The following DLGAP5 variants were observed in gnomAD, a reference collection of about 807,000 sequenced individuals.
The protein encoded by DLGAP5 is DLG associated protein 5, also known as disks large-associated protein 5.
Under a neutral mutation model 99.6 loss-of-function variants are expected in DLGAP5, and 90 were observed. The ratio of observed to expected loss-of-function variants is 0.90; its 90% CI spans 0.76 to 1.08. DLGAP5 has a LOEUF of 1.08. DLGAP5 is among the 50% of genes least tolerant of loss of function. The probability of loss-of-function intolerance (pLI) is 0.00; values close to 1 mark genes in which losing one functional copy is unlikely to be tolerated. For synonymous variants in DLGAP5, 311 were observed against 321.3 expected, an observed-to-expected ratio of 0.97 and a Z score of 0.34; for missense variants, 1,036 against 983.5, an observed-to-expected ratio of 1.05 and a Z score of -0.71.
intron 2 of DLGAP5, among the ~76,000 whole-genome samples, chr14:55,184,567 G>C (rs539053260): frequency 1.4e-4 from 22 of 152,300 alleles, no homozygotes; most frequent in African/African-American, 4.8e-4. Flanking sequence ...GTGTGACCAA[G>C]AGAGTATTAC....
intron 6 of DLGAP5, among the ~76,000 whole-genome samples, chr14:55,180,281 T>C (rs1297315860): frequency 6.6e-6 from 1 of 152,220 alleles, no homozygotes; most frequent in Non-Finnish European, 1.5e-5. Flanking sequence ...TTTTTAGAAC[T>C]GCGATCCTAC....
intron 1 of DLGAP5, 133 bp from the exon 2 acceptor site, chr14:55,189,313 G>C: frequency 1.4e-6 from 1 of 706,148 alleles, no homozygotes; most frequent in Non-Finnish European, 2.4e-6. Context: ...AAATAAATAT[G>C]TAACACTGAA....
At chr14:55,152,006 C>T in intron 16 of DLGAP5, 65 bp from the exon 17 acceptor site, 1 of 1,501,600 alleles carries the variant, frequency 6.7e-7, no homozygotes, top group Non-Finnish European at 9.0e-7. Context: ...TTTTAAAAGT[C>T]TTGTTGCTAT....
chr14:55,177,194 G>C lies in DLGAP5; in HGVS notation c.917C>G (p.Ser306Cys), dbSNP rs1224642395. ...INTAKIKGKN[S>C]FAPKDFMFQP... Reference sequence around the variant, plus strand: ...AAACATAAAATCCTTAGGTGCAAAGGAATTCTTCCCTTTTATTTTTGCAGT... The same window carrying C: ...AAACATAAAATCCTTAGGTGCAAAGCAATTCTTCCCTTTTATTTTTGCAGT... The change falls in exon 8 of 19, where the codon TCC becomes TGC. Residue 306 changes from serine (S) to cysteine (C), a missense_variant. Physicochemically the swap from Ser to Cys is moderately radical, Grantham distance 112. Coordinates refer to ENST00000247191, the MANE Select transcript of DLGAP5 (RefSeq NM_014750.5). The C allele has an allele frequency of 1.2e-6, 2 of 1,613,560 alleles. No homozygotes were observed. Among genetic ancestry groups the C allele is most frequent in the East Asian group, 4.5e-5 (2 of 44,846 alleles).
At chr14:55,178,837 G>A (rs542573557) in intron 7 of DLGAP5, among the ~76,000 whole-genome samples, 4 of 152,142 alleles carry the variant, frequency 2.6e-5, no homozygotes, top group African/African-American at 7.2e-5. Context: ...ACCTGAGGTC[G>A]GGAGTTCAAG....
rs1882775160 is a variant in DLGAP5 at position 55,169,487 on chromosome 14, C to T, written c.1460G>A (p.Gly487Glu). 1 of 1,613,288 alleles carries T rather than the reference C, an allele frequency of 6.2e-7. No individual in the cohort carries two copies. Among genetic ancestry groups the T allele is most frequent in the African/African-American group, 1.3e-5 (1 of 75,006 alleles). ...TTTATATTCACAATCATCAACCAGTCCTTCAAACTGTTTAAACCTTTCCTT... is the reference window on the plus strand; with the variant it reads ...TTTATATTCACAATCATCAACCAGTTCTTCAAACTGTTTAAACCTTTCCTT... ...LMKERFKQFE[G>E]LVDDCEYKRG... Residue 487 changes from glycine (G) to glutamate (E), a missense_variant, in exon 12 of 19, where the codon GGA becomes GAA. Gly to Glu is a moderately conservative substitution (Grantham distance 98). Coordinates refer to ENST00000247191, the MANE Select transcript of DLGAP5 (RefSeq NM_014750.5).
chr14:55,177,063 C>T lies in DLGAP5; in HGVS notation c.1048G>A (p.Val350Ile). 1 of 1,343,962 alleles carries T rather than the reference C, an allele frequency of 7.4e-7. No individual in the cohort carries two copies. Among genetic ancestry groups the T allele is most frequent in the South Asian group, 1.8e-5 (1 of 56,384 alleles). The allele number at this position is 1,343,962 out of a possible 1,614,324, so 83.3% of individuals were successfully genotyped here. ...SYTWTPLKTEVDESQATKEIL... is the reference protein window; with the variant it reads ...SYTWTPLKTEIDESQATKEIL... ...TTATTATTAAGATCATATTCTTACA[C>T]TTCTGTTTTTAAAGGAGTCCAGGTG... is the stretch of plus-strand genomic sequence containing the variant. Residue 350 changes from valine to isoleucine, a missense_variant and splice_region_variant, in exon 8 of 19, where the codon GTT becomes ATT. Val to Ile is a conservative substitution (Grantham distance 29). Transcript: ENST00000247191.
chr14:55,158,057 A>G (rs1203680758), intron 14 of DLGAP5, among the ~76,000 whole-genome samples: 3 of 152,212 alleles, frequency 2.0e-5, no homozygotes, highest in African/African-American at 7.2e-5. Flanking sequence ...ACCAACACAC[A>G]CAGCACATAA....
chr14:55,174,387 T>C (rs1302352612), intron 10 of DLGAP5, among the ~76,000 whole-genome samples: 1 of 152,218 alleles, frequency 6.6e-6, no homozygotes, highest in Admixed American at 6.5e-5. Flanking sequence ...CCTGGTCCCG[T>C]GATCTCACCC....
intron 8 of DLGAP5, 33 bp downstream of exon 8, chr14:55,177,029 G>T: frequency 1.0e-6 from 1 of 961,104 alleles, no homozygotes; most frequent in Non-Finnish European, 1.4e-6. Flanking sequence ...ACCCATCTTA[G>T]CAAGAGACTT....
At chr14:55,153,688 C>T (rs1342048492) in intron 15 of DLGAP5, among the ~76,000 whole-genome samples, 1 of 152,046 alleles carries the variant, frequency 6.6e-6, no homozygotes, top group African/African-American at 2.4e-5. Context: ...TTTGGGGAAT[C>T]CAAAACATTT....
intron 10 of DLGAP5, among the ~76,000 whole-genome samples, chr14:55,172,548 C>T (rs1371401476): frequency 6.6e-6 from 1 of 151,318 alleles, no homozygotes; most frequent in Non-Finnish European, 1.5e-5. Flanking sequence ...GGTGGGAGGT[C>T]GGGAAGTCAA....
chr14:55,161,808 A>G (rs1352972804), intron 13 of DLGAP5, among the ~76,000 whole-genome samples: 1 of 133,016 alleles, frequency 7.5e-6, no homozygotes, highest in Non-Finnish European at 1.6e-5. Flanking sequence ...CAGGAGTCAG[A>G]GGTTGTGGTG....
chr14:55,189,215 A>C (rs1459240113), intron 1 of DLGAP5, 35 bp from the exon 2 acceptor site: 1 of 1,509,932 alleles, frequency 6.6e-7, no homozygotes, highest in Non-Finnish European at 9.1e-7. Flanking sequence ...AACTTACATG[A>C]ATTTTCATTA....
Position 55,187,935 on chromosome 14 carries a change from C to T in DLGAP5, c.238+1007G>A, listed in dbSNP as rs563969116. ...TGCTCATTCTTTTCTACCCAGTTAC[C>T]TACTTGCATTCACTAAAACATATCA... On this transcript the variant is annotated intron_variant, in intron 2 of 18. Coordinates refer to ENST00000247191, the MANE Select transcript of DLGAP5 (RefSeq NM_014750.5). Among the ~76,000 whole-genome samples the T allele has an allele frequency of 2.6e-5, 4 of 152,254 alleles. No individual in the cohort carries two copies. The East Asian group carries it at 7.7e-4, about 29-fold the overall frequency.
chr14:55,157,767 CCTTTT>C (rs2140307805), intron 14 of DLGAP5, among the ~76,000 whole-genome samples: 1 of 152,278 alleles, frequency 6.6e-6, no homozygotes, highest in Non-Finnish European at 1.5e-5. Flanking sequence ...GCATAAACTT[CCTTTT>C]ATTTTTTAGA....
chr14:55,154,423 C>T lies in DLGAP5; in HGVS notation c.2063+194G>A, dbSNP rs983701450. Reference sequence around the variant, plus strand: ...CTGCTGCAGAATTTACCCAACTAAACGTGACCATTTAGTATCCTGAAACCT... The same window carrying T: ...CTGCTGCAGAATTTACCCAACTAAATGTGACCATTTAGTATCCTGAAACCT... On this transcript the variant is annotated intron_variant, in intron 15 of 18. Transcript: ENST00000247191. Among the ~76,000 whole-genome samples, 2 of 152,158 alleles carry T rather than the reference C, an allele frequency of 1.3e-5. 1 individual carries two copies. The highest frequency in any genetic ancestry group is 1.3e-4 in the Admixed American group (2 of 15,268).
rs777856315 is a variant in DLGAP5, at chr14:55,181,300, A to G, written c.496-3T>C. On this transcript the variant is annotated splice_region_variant and splice_polypyrimidine_tract_variant and intron_variant, in intron 4 of 18. Transcript: ENST00000247191. ...CGAACATCACTCTCGTTATCAATCT[A>G]TTTAAGAGATTAGGTGCTATGTGAT... is the stretch of plus-strand genomic sequence containing the variant. The G allele has an allele frequency of 2.5e-6, 4 of 1,612,152 alleles. No homozygotes were observed. Among genetic ancestry groups the G allele is most frequent in the Admixed American group, 3.3e-5 (2 of 59,892 alleles).
At chr14:55,176,123 T>A in intron 8 of DLGAP5, 105 bp from the exon 9 acceptor site, 1 of 1,043,372 alleles carries the variant, frequency 9.6e-7, no homozygotes, top group Non-Finnish European at 1.3e-6. Context: ...AAAATAGAAA[T>A]GTTTCTATTT....
Sources: allele counts gnomAD v4.1 joint callset (sites outside exome capture counted in the v4.1 genomes callset), GRCh38; gene constraint gnomAD v4.1.1; transcripts MANE v1.5; gene names NCBI Gene and HGNC (gene_info 2026-07-23, HGNC 2026-07-21).